Variants in SLC35F1 observed in about 807,000 individuals in gnomAD.
SLC35F1 encodes the protein chromosome 6 open reading frame 169.
In SLC35F1, 14 loss-of-function variants were observed where a neutral mutation model predicts 48.7. The observed-to-expected ratio is 0.29, with a 90% CI of 0.19 to 0.45. The LOEUF is 0.45. SLC35F1 is among the 20% of genes least tolerant of loss of function. The pLI is 1.00. For synonymous variants in SLC35F1, 190 were observed against 202.2 expected (o/e 0.94, Z 0.51); for missense variants, 404 against 500.0 (o/e 0.81, Z 1.83).
intron 2 of SLC35F1, among the ~76,000 whole-genome samples, chr6:118,176,559 G>A (rs1226044443): frequency 6.6e-6 from 1 of 151,718 alleles, no homozygotes; most frequent in Non-Finnish European, 1.5e-5. Flanking sequence ...TAGAGATTTG[G>A]GAATATATCT....
chr6:118,236,470 T>C (rs77805118), intron 3 of SLC35F1, among the ~76,000 whole-genome samples: 3,222 of 152,284 alleles, frequency 0.021, 104 homozygotes, highest in African/African-American at 0.073. Context: ...TGATACTTCC[T>C]GCCATCTTGT....
intron 1 of SLC35F1, among the ~76,000 whole-genome samples, chr6:118,035,279 CG>C (rs1562270056): frequency 6.6e-6 from 1 of 152,012 alleles, no homozygotes; most frequent in Non-Finnish European, 1.5e-5. Context: ...TCAATGTACT[CG>C]GGGGTTTATG....
At chr6:117,996,091 G>T (rs1407655413) in intron 1 of SLC35F1, among the ~76,000 whole-genome samples, 1 of 151,994 alleles carries the variant, frequency 6.6e-6, no homozygotes, top group Non-Finnish European at 1.5e-5. Context: ...CATATTTTTT[G>T]TATATAAATA....
intron 1 of SLC35F1, among the ~76,000 whole-genome samples, chr6:118,103,660 A>G (rs150538653): frequency 1.7e-3 from 266 of 152,354 alleles, no homozygotes; most frequent in African/African-American, 6.2e-3. Context: ...AATGCCAGCC[A>G]GAGCCCTATG....
chr6:118,019,997 T>A (rs1371096394), intron 1 of SLC35F1, among the ~76,000 whole-genome samples: 2 of 152,222 alleles, frequency 1.3e-5, no homozygotes, highest in African/African-American at 4.8e-5. Flanking sequence ...TATGTAATAC[T>A]TGGACAGTGG....
chr6:118,247,713 T>G (rs1016501928), intron 3 of SLC35F1, among the ~76,000 whole-genome samples: 1 of 147,680 alleles, frequency 6.8e-6, no homozygotes, highest in African/African-American at 2.7e-5. Context: ...CAAAGTTTCC[T>G]ACTTAAATTC....
chr6:118,303,660 G>T (rs184867592), intron 7 of SLC35F1, among the ~76,000 whole-genome samples: 1 of 152,144 alleles, frequency 6.6e-6, no homozygotes, highest in Admixed American at 6.5e-5. Context: ...AAAATACTTC[G>T]GAAGCAGTAG....
intron 1 of SLC35F1, among the ~76,000 whole-genome samples, chr6:118,101,540 G>A (rs1739583587): frequency 6.6e-6 from 1 of 152,146 alleles, no homozygotes; most frequent in African/African-American, 2.4e-5. Flanking sequence ...CAAATAATAG[G>A]GATGGAGACA....
chr6:118,103,509 G>A (rs997050850), intron 1 of SLC35F1, among the ~76,000 whole-genome samples: 1 of 152,214 alleles, frequency 6.6e-6, no homozygotes, highest in African/African-American at 2.4e-5. Flanking sequence ...GTGCCCACCT[G>A]GGCCGCCAAC....
intron 1 of SLC35F1, among the ~76,000 whole-genome samples, chr6:118,153,843 T>C (rs1218233771): frequency 6.6e-6 from 1 of 152,186 alleles, no homozygotes; most frequent in African/African-American, 2.4e-5. Flanking sequence ...CTAATGCTCA[T>C]CAAAGCTTCC....
At chr6:118,033,842 C>T (rs981531933) in intron 1 of SLC35F1, among the ~76,000 whole-genome samples, 1 of 152,174 alleles carries the variant, frequency 6.6e-6, no homozygotes, top group South Asian at 2.1e-4. Context: ...GCATTTAGAT[C>T]TCTTCTGTGA....
intron 1 of SLC35F1, among the ~76,000 whole-genome samples, chr6:118,086,616 G>A (rs569087455): frequency 4.3e-4 from 66 of 152,292 alleles, no homozygotes; most frequent in African/African-American, 1.4e-3. Context: ...TGTCTTTGCA[G>A]CCCCACCTCC....
At chr6:117,939,728 A>C (rs1562243487) in intron 1 of SLC35F1, among the ~76,000 whole-genome samples, 2 of 152,234 alleles carry the variant, frequency 1.3e-5, no homozygotes, top group Non-Finnish European at 2.9e-5. Context: ...GGTTTTTTAA[A>C]GAAGTGAAAG....
chr6:118,267,512 G>T (rs1039935364), intron 4 of SLC35F1, among the ~76,000 whole-genome samples: 1 of 152,150 alleles, frequency 6.6e-6, no homozygotes, highest in Non-Finnish European at 1.5e-5. Flanking sequence ...TAGAGTTGGT[G>T]GTAATGAGCT....
intron 3 of SLC35F1, among the ~76,000 whole-genome samples, chr6:118,239,377 G>A (rs1775407154): frequency 6.6e-6 from 1 of 151,726 alleles, no homozygotes; most frequent in African/African-American, 2.4e-5. Context: ...GATGGGGAAA[G>A]GGAGGGAGGA....
chr6:118,140,302 G>GGAC (rs1320749363), intron 1 of SLC35F1, among the ~76,000 whole-genome samples: 3 of 152,148 alleles, frequency 2.0e-5, no homozygotes, highest in Non-Finnish European at 2.9e-5. Context: ...AGTCAATGAT[G>GGAC]GACGGCACAT....
chr6:118,080,269 G>C (rs778762091), intron 1 of SLC35F1, among the ~76,000 whole-genome samples: 105 of 152,158 alleles, frequency 6.9e-4, no homozygotes, highest in Non-Finnish European at 8.1e-4. Flanking sequence ...TTTCTGGTCA[G>C]CTTCTCTTTT....
chr6:117,947,082 T>G (rs1293668724), intron 1 of SLC35F1, among the ~76,000 whole-genome samples: 1 of 152,138 alleles, frequency 6.6e-6, no homozygotes, highest in African/African-American at 2.4e-5. Context: ...GAATTTGAAT[T>G]GGAAGGGTAA....
chr6:118,072,293 G>A (rs1039632358), intron 1 of SLC35F1, among the ~76,000 whole-genome samples: 10 of 152,046 alleles, frequency 6.6e-5, no homozygotes, highest in South Asian at 4.1e-4. Flanking sequence ...GACCAGGCAC[G>A]GTGGCTCACG....
Sources: gnomAD v4.1 joint callset for allele counts (sites outside exome capture counted in the v4.1 genomes callset) on GRCh38, gnomAD v4.1.1 for gene constraint, MANE v1.5 for transcripts, NCBI Gene and HGNC (gene_info 2026-07-23, HGNC 2026-07-21) for gene names.